The following FRMD4A variants were observed in gnomAD, a reference collection of about 807,000 sequenced individuals.
The protein encoded by FRMD4A is FERM domain-containing protein 4A.
FRMD4A carries 29 observed loss-of-function variants against 129.1 expected under a neutral mutation model. The observed-to-expected ratio is 0.22, with a 90% confidence interval of 0.17 to 0.31. The LOEUF (loss-of-function observed/expected upper bound fraction) is 0.31, where lower values mean the gene tolerates loss of function less well. FRMD4A is among the 10% of genes least tolerant of loss of function. The probability of loss-of-function intolerance (pLI) is 1.00; values close to 1 mark genes in which losing one functional copy is unlikely to be tolerated. For missense variants in FRMD4A, 1,272 were observed against 1,375.8 expected (o/e 0.92, Z 1.19); for synonymous variants, 634 against 571.6 (o/e 1.11, Z -1.56).
intron 2 of FRMD4A, among the ~76,000 whole-genome samples, chr10:14,057,362 G>A (rs760947085): frequency 2.6e-5 from 4 of 152,072 alleles, no homozygotes; most frequent in Non-Finnish European, 4.4e-5. Flanking sequence ...TTCACACATC[G>A]TCTTTACCCT....
chr10:13,680,725 A>T lies in FRMD4A; in HGVS notation c.1118-5681T>A, dbSNP rs118136192. On this transcript the variant is annotated intron_variant, in intron 15 of 24. Coordinates refer to ENST00000357447, the MANE Select transcript of FRMD4A (RefSeq NM_018027.5). Reference sequence around the variant, plus strand: ...GGGGTGACAGAGCGAGACTCCATTTAAAAAAAAAAATTTAAAAAAAAGTTT... The same window carrying T: ...GGGGTGACAGAGCGAGACTCCATTTTAAAAAAAAAATTTAAAAAAAAGTTT... 7.1e-3 allele frequency among the ~76,000 whole-genome samples: 1,058 copies of T among 148,802 alleles called. 53 individuals are homozygous for T. In the East Asian group the frequency reaches 0.1, roughly 15 times the overall value.
Position 13,656,675 on chromosome 10 carries a change from T to C in FRMD4A, c.2914A>G (p.Arg972Gly). The change falls in exon 22 of 25, where the codon AGG becomes GGG. Residue 972 changes from arginine to glycine, a missense_variant. Around this residue, in one of 2 missense-constraint regions of FRMD4A, gnomAD observed 972 missense variants for 892.3 expected, o/e 1.09. Coordinates refer to ENST00000357447, the MANE Select transcript of FRMD4A (RefSeq NM_018027.5). ...SSQSTFVAHS[R>G]VTRMPQMCKA... ...CACATCTGGGGCATCCTGGTGACCC[T>C]GCTGTGCGCCACGAAGGTGCTCTGG... The C allele has an allele frequency of 6.5e-7, 1 of 1,531,902 alleles. No individual in the cohort carries two copies. The highest frequency in any genetic ancestry group is 8.8e-7 in the Non-Finnish European group (1 of 1,137,336). The allele number at this position is 1,531,902 out of a possible 1,614,324, so 94.9% of individuals were successfully genotyped here. A position where few individuals can be genotyped will look rare whatever the true frequency, so the allele number is the denominator to read the frequency against.
intron 4 of FRMD4A, among the ~76,000 whole-genome samples, chr10:13,807,811 T>TC (rs1373042095): frequency 6.6e-6 from 1 of 151,912 alleles, no homozygotes. Context: ...TTTTTTTTTT[T>TC]TTTTGGAGAC....
intron 2 of FRMD4A, chr10:14,008,017 C>A: frequency 7.7e-7 from 1 of 1,293,418 alleles, no homozygotes; most frequent in Non-Finnish European, 1.0e-6. Context: ...ATCTTCCTGT[C>A]TTTGGAGCAA....
intron 17 of FRMD4A, among the ~76,000 whole-genome samples, chr10:13,666,911 C>CTTTTTTTTTTTTTTT (rs10546068): frequency 5.2e-5 from 6 of 114,388 alleles, no homozygotes; most frequent in East Asian, 2.5e-4. Context: ...CTTTTCTTTT[C>CTTTTTTTTTTTTTTT]TTTTTTTTTT....
Position 13,821,143 on chromosome 10 carries a change from T to G in FRMD4A, c.112-10235A>C, listed in dbSNP as rs376299119. Among the ~76,000 whole-genome samples the G allele has an allele frequency of 6.9e-3, 1,048 of 151,296 alleles. 11 individuals are homozygous for G. The highest frequency in any genetic ancestry group is 0.024 in the African/African-American group (993 of 41,140). ...GGGGAGGGGAAGCTGCTGCGGGGGGTGCATGAGGTGACTCTGTGCAGCTCT... is the reference window on the plus strand; with the variant it reads ...GGGGAGGGGAAGCTGCTGCGGGGGGGGCATGAGGTGACTCTGTGCAGCTCT... On this transcript the variant is annotated intron_variant, in intron 3 of 24. Coordinates refer to ENST00000357447, the MANE Select transcript of FRMD4A (RefSeq NM_018027.5). This position sits in a 1 kb window ranked among gnomAD's most constrained non-coding sequence, Gnocchi z 4.3.
At chr10:14,100,160 T>G (rs993140514) in intron 2 of FRMD4A, among the ~76,000 whole-genome samples, 17 of 152,214 alleles carry the variant, frequency 1.1e-4, no homozygotes, top group African/African-American at 3.4e-4. Flanking sequence ...TTCCACTGTC[T>G]CGATTTCCAG....
intron 2 of FRMD4A, among the ~76,000 whole-genome samples, chr10:14,297,278 A>G (rs558888805): frequency 1.3e-5 from 2 of 152,172 alleles, no homozygotes; most frequent in Non-Finnish European, 2.9e-5. Flanking sequence ...GTCATTACAG[A>G]CAAACAAGGG....
chr10:14,076,930 G>A (rs1835644781), intron 2 of FRMD4A, among the ~76,000 whole-genome samples: 1 of 152,194 alleles, frequency 6.6e-6, no homozygotes, highest in Admixed American at 6.5e-5. Context: ...GTAAGGAAGA[G>A]ATACAGAGGT....
In FRMD4A at chr10:14,238,023, T is replaced by C. The variant is rs143308688; in HGVS notation, c.45+92035A>G. ...CCCTCCCACCTGCCTCTCTGCTCAG[T>C]GTCTCTGTTGGGACAGGCAGCAAGT... On this transcript the variant is annotated intron_variant, in intron 2 of 24. Coordinates refer to ENST00000357447, the MANE Select transcript of FRMD4A (RefSeq NM_018027.5). Among the ~76,000 whole-genome samples the C allele has an allele frequency of 1.4e-4, 22 of 152,338 alleles. No homozygotes were observed. In the East Asian group the frequency reaches 2.1e-3, roughly 15 times the overall value.
rs151163973 is a variant in FRMD4A, at chr10:14,091,514, A to T, written c.46-232602T>A. On this transcript the variant is annotated intron_variant, in intron 2 of 24. Transcript: ENST00000357447. The stretch of plus-strand genomic sequence containing the variant: ...AGTGGTGTGATCTCAGCTCACTGCA[A>T]CCTCCGCCTCCCGGGTTTAAGCGAT... Among the ~76,000 whole-genome samples, 528 of 152,006 alleles carry T rather than the reference A, an allele frequency of 3.5e-3. 5 individuals carry two copies. The highest frequency in any genetic ancestry group is 0.012 in the African/African-American group (505 of 41,444).
rs765535414 is a variant in FRMD4A at position 13,657,537 on chromosome 10, C to A, written c.2067-15G>T. The A allele has an allele frequency of 4.3e-5, 67 of 1,554,218 alleles. No homozygotes were observed. Among genetic ancestry groups the A allele is most frequent in the Middle Eastern group, 1.9e-4 (1 of 5,232 alleles). On this transcript the variant is annotated splice_polypyrimidine_tract_variant and intron_variant, in intron 21 of 24. Transcript: ENST00000357447. ...TGTCCACCGACCTGCCGGGAGACGA[C>A]CCGGGTTGGTCTGGGGGTGGGGAGT...
intron 2 of FRMD4A, among the ~76,000 whole-genome samples, chr10:13,966,522 G>C (rs776501325): frequency 6.6e-6 from 1 of 152,206 alleles, no homozygotes; most frequent in South Asian, 2.1e-4. Flanking sequence ...AAAAGTCCCC[G>C]TTGAGAAGAG....
At chr10:14,111,532 A>G (rs1257120198) in intron 2 of FRMD4A, among the ~76,000 whole-genome samples, 2 of 152,164 alleles carry the variant, frequency 1.3e-5, no homozygotes, top group African/African-American at 2.4e-5. Flanking sequence ...TTGCAGCACT[A>G]TGGTTAGGGA....
At chr10:13,775,033 G>T (rs1021656070) in intron 6 of FRMD4A, among the ~76,000 whole-genome samples, 1 of 151,802 alleles carries the variant, frequency 6.6e-6, no homozygotes, top group African/African-American at 2.4e-5. Context: ...TACTGACAAA[G>T]CCTCCCAGAA....
intron 2 of FRMD4A, among the ~76,000 whole-genome samples, chr10:14,058,403 G>A (rs543708036): frequency 2.0e-4 from 30 of 152,100 alleles, no homozygotes; most frequent in South Asian, 4.2e-4. Flanking sequence ...TTTTAGGTAC[G>A]TTGTCTAGTC....
At chr10:13,855,718 T>C (rs7899102) in intron 3 of FRMD4A, among the ~76,000 whole-genome samples, 2,564 of 152,296 alleles carry the variant, frequency 0.017, 80 homozygotes, top group African/African-American at 0.058. Flanking sequence ...ACTCTCTGAA[T>C]GTAAAATATG....
At position 13,646,515 on chromosome 10, in the gene FRMD4A, A is replaced by C. The variant is rs950476969; in HGVS notation, c.*523T>G. The stretch of plus-strand genomic sequence containing the variant: ...TCTTCATGAAGTGCTTGGTTGGCCT[A>C]CGTATGGGTGGCAGGCTGGACACAG... On this transcript the variant is annotated 3_prime_UTR_variant, in exon 25 of 25. Coordinates refer to ENST00000357447, the MANE Select transcript of FRMD4A (RefSeq NM_018027.5). 1 of 152,286 alleles carries C rather than the reference A, an allele frequency of 6.6e-6. No homozygotes were observed. Among genetic ancestry groups the C allele is most frequent in the African/African-American group, 2.4e-5 (1 of 41,446 alleles). The allele number at this position is 152,286 out of a possible 1,614,324, so 9.4% of individuals were successfully genotyped here.
intron 2 of FRMD4A, among the ~76,000 whole-genome samples, chr10:13,963,666 T>C (rs1413400009): frequency 1.3e-5 from 2 of 152,210 alleles, no homozygotes; most frequent in African/African-American, 4.8e-5. Flanking sequence ...ATTCTAGAAG[T>C]TCTGTTTCAA....
Sources: allele counts gnomAD v4.1 joint callset (sites outside exome capture counted in the v4.1 genomes callset), GRCh38; gene constraint gnomAD v4.1.1; regional missense constraint gnomAD v4.1.1; non-coding constraint Gnocchi (gnomAD v3.1); transcripts MANE v1.5; gene names NCBI Gene and HGNC (gene_info 2026-07-23, HGNC 2026-07-21).